The following PLCB4 variants were observed in gnomAD, a reference collection of about 807,000 sequenced individuals.
PLCB4 encodes the protein phospholipase C beta 4.
Under a neutral mutation model 178.8 loss-of-function variants are expected in PLCB4, and 77 were observed. That is an observed-to-expected ratio of 0.43 (90% CI 0.36 to 0.52). PLCB4 has a LOEUF of 0.52. Ranked by LOEUF, PLCB4 falls within the 20% of genes least tolerant of loss-of-function variation. The pLI, the probability that PLCB4 is intolerant of heterozygous loss-of-function variation, is 0.00. For synonymous variants in PLCB4, 496 were observed against 490.8 expected (o/e 1.01, Z -0.14); for missense variants, 1,024 against 1,453.4 (o/e 0.70, Z 4.80).
intron 9 of PLCB4, among the ~76,000 whole-genome samples, chr20:9,368,592 G>C (rs1485134186): frequency 6.6e-6 from 1 of 152,194 alleles, no homozygotes; most frequent in Non-Finnish European, 1.5e-5. Flanking sequence ...ATGTCCTGAA[G>C]GCCCAGCAGC....
Position 9,162,509 on chromosome 20 carries a change from C to T in PLCB4, c.-78-54881C>T, listed in dbSNP as rs1004792346. Among the ~76,000 whole-genome samples, 77 of 152,060 alleles carry T rather than the reference C, an allele frequency of 5.1e-4. 2 individuals are homozygous for T. Among genetic ancestry groups the T allele is most frequent in the African/African-American group, 1.8e-3 (75 of 41,492 alleles). ...CAAAAAACAGATTCAATATGCTATT[C>T]GGAGTTAATATGGGAAAAGATGCTG... On this transcript the variant is annotated intron_variant, in intron 2 of 39. Coordinates refer to ENST00000378473, the MANE Select transcript of PLCB4 (RefSeq NM_001377142.1).
intron 11 of PLCB4, 65 bp from the exon 12 acceptor site, chr20:9,372,982 T>G: frequency 4.2e-6 from 3 of 711,610 alleles, no homozygotes; most frequent in South Asian, 1.7e-5. Flanking sequence ...AATGTCAACA[T>G]GTAAATCGTA....
intron 3 of PLCB4, among the ~76,000 whole-genome samples, chr20:9,306,610 T>C (rs931546121): frequency 3.9e-5 from 6 of 152,238 alleles, no homozygotes; most frequent in Non-Finnish European, 8.8e-5. Flanking sequence ...GGTCCTGTTT[T>C]TCCTGCTCAC....
At chr20:9,109,335 A>G (rs1568766486) in intron 2 of PLCB4, among the ~76,000 whole-genome samples, 1 of 152,218 alleles carries the variant, frequency 6.6e-6, no homozygotes, top group Non-Finnish European at 1.5e-5. Flanking sequence ...AATTATGAAT[A>G]AAAATATCAA....
At chr20:9,414,426 T>C (rs2040097573) in intron 25 of PLCB4, among the ~76,000 whole-genome samples, 1 of 152,216 alleles carries the variant, frequency 6.6e-6, no homozygotes, top group African/African-American at 2.4e-5. Context: ...CACTGCATGG[T>C]TCTCACCGTG....
intron 32 of PLCB4, among the ~76,000 whole-genome samples, chr20:9,445,053 T>A (rs17482999): frequency 0.13 from 19,803 of 152,200 alleles, 1,312 homozygotes; most frequent in East Asian, 0.16. Flanking sequence ...TGACAGTGAT[T>A]GTGAAAAATT....
chr20:9,142,995 T>G (rs1400455943), intron 2 of PLCB4, among the ~76,000 whole-genome samples: 1 of 152,186 alleles, frequency 6.6e-6, no homozygotes, highest in Non-Finnish European at 1.5e-5. Flanking sequence ...TTACACACAC[T>G]GGGCATGGCT....
intron 28 of PLCB4, among the ~76,000 whole-genome samples, chr20:9,427,587 G>C (rs1261459415): frequency 6.6e-6 from 1 of 152,166 alleles, no homozygotes; most frequent in African/African-American, 2.4e-5. Flanking sequence ...TATCTTTGCT[G>C]CTTTATCTGT....
At chr20:9,438,850 T>C (rs1310222202) in intron 30 of PLCB4, among the ~76,000 whole-genome samples, 6 of 152,082 alleles carry the variant, frequency 3.9e-5, no homozygotes, top group African/African-American at 7.2e-5. Flanking sequence ...ATTTAAGACA[T>C]AAAATGGTTG....
At chr20:9,400,761 T>C (rs906727582) in intron 19 of PLCB4, among the ~76,000 whole-genome samples, 3 of 152,196 alleles carry the variant, frequency 2.0e-5, no homozygotes, top group Admixed American at 6.5e-5. Context: ...TTCTTTTTTT[T>C]CCCCACGAAC....
intron 1 of PLCB4, among the ~76,000 whole-genome samples, chr20:9,086,072 A>C (rs1438757667): frequency 7.2e-5 from 11 of 152,180 alleles, no homozygotes; most frequent in Admixed American, 7.2e-4. Context: ...CATTTGGAAT[A>C]TAAGAGATGA....
At chr20:9,316,336 T>C (rs1476032400) in intron 4 of PLCB4, among the ~76,000 whole-genome samples, 1 of 152,124 alleles carries the variant, frequency 6.6e-6, no homozygotes, top group Admixed American at 6.5e-5. Flanking sequence ...GAATAAATGG[T>C]GTAGAACCAG....
chr20:9,369,955 G>T (rs1007194888), intron 9 of PLCB4, among the ~76,000 whole-genome samples: 2 of 152,172 alleles, frequency 1.3e-5, no homozygotes, highest in Admixed American at 1.3e-4. Flanking sequence ...TCTGAATGTC[G>T]AGTTAAAATG....
chr20:9,209,799 T>TA (rs2093653283), intron 2 of PLCB4, among the ~76,000 whole-genome samples: 1 of 151,404 alleles, frequency 6.6e-6, no homozygotes, highest in Admixed American at 6.6e-5. Flanking sequence ...CCGTCTCTAC[T>TA]AAAAAATACA....
intron 1 of PLCB4, among the ~76,000 whole-genome samples, chr20:9,078,891 T>A (rs55736100): frequency 2.0e-4 from 30 of 152,356 alleles, no homozygotes; most frequent in African/African-American, 7.0e-4. Flanking sequence ...AAATACTGTT[T>A]CTGTTTCCCA....
At chr20:9,232,665 C>T (rs997917150) in intron 3 of PLCB4, among the ~76,000 whole-genome samples, 1 of 152,020 alleles carries the variant, frequency 6.6e-6, no homozygotes, top group Non-Finnish European at 1.5e-5. Flanking sequence ...ACATTTGATG[C>T]AGTGCAAAGG....
chr20:9,128,722 A>T (rs2092196382), intron 2 of PLCB4, among the ~76,000 whole-genome samples: 5 of 152,174 alleles, frequency 3.3e-5, no homozygotes, highest in Admixed American at 3.3e-4. Context: ...CAGTTAAGTG[A>T]CATTAAGTAC....
intron 26 of PLCB4, among the ~76,000 whole-genome samples, 153 bp downstream of exon 26, chr20:9,420,062 T>C (rs1055659960): frequency 2.6e-5 from 4 of 152,156 alleles, no homozygotes; most frequent in Non-Finnish European, 5.9e-5. Context: ...ATGAGACCCA[T>C]TTTTTCACTA....
At chr20:9,223,913 A>T (rs2093830802) in intron 3 of PLCB4, among the ~76,000 whole-genome samples, 1 of 152,220 alleles carries the variant, frequency 6.6e-6, no homozygotes, top group African/African-American at 2.4e-5. Flanking sequence ...TACAGCATGG[A>T]TAAGCTAGAC....
Sources: allele counts gnomAD v4.1 joint callset (sites outside exome capture counted in the v4.1 genomes callset), GRCh38; gene constraint gnomAD v4.1.1; transcripts MANE v1.5; gene names NCBI Gene and HGNC (gene_info 2026-07-23, HGNC 2026-07-21).